The following KPNA7 variants were observed in gnomAD, a reference collection of about 807,000 sequenced individuals.
The protein encoded by KPNA7 is importin subunit alpha-8.
Under a neutral mutation model 53.7 loss-of-function variants are expected in KPNA7, and 54 were observed. The observed-to-expected ratio is 1.01, with a 90% confidence interval of 0.81 to 1.26. KPNA7 has a LOEUF of 1.26. Ranked by LOEUF, KPNA7 falls within the 50% of genes most tolerant of loss-of-function variation. The pLI is 0.00. For synonymous variants in KPNA7, 276 were observed against 259.3 expected (o/e 1.06, Z -0.62); for missense variants, 640 against 644.5 (o/e 0.99, Z 0.07).
At chr7:99,155,318 T>C in the KPNA7 span, among the ~76,000 whole-genome samples, 1 of 152,222 alleles carries the variant, frequency 6.6e-6, no homozygotes, top group South Asian at 2.1e-4. Context: ...TACTCCCACC[T>C]TCATCCTTCT....
chr7:99,184,283 A>T (rs1789456433), intron 8 of KPNA7, among the ~76,000 whole-genome samples: 1 of 150,998 alleles, frequency 6.6e-6, no homozygotes, highest in Non-Finnish European at 1.5e-5. Context: ...GCCTCCCAAG[A>T]TGCTGGGACT....
intron 1 of KPNA7, among the ~76,000 whole-genome samples, chr7:99,219,173 G>T (rs139441775): frequency 1.7e-4 from 26 of 152,344 alleles, no homozygotes; most frequent in African/African-American, 6.3e-4. Flanking sequence ...GAGGGGCGAG[G>T]CCCGGGTCTC....
the KPNA7 span, among the ~76,000 whole-genome samples, chr7:99,161,934 A>C: frequency 0.012 from 1,789 of 152,280 alleles, 34 homozygotes; most frequent in African/African-American, 0.041. Context: ...CTTAAAGCAA[A>C]CTGTGCTGCC....
intron 3 of KPNA7, among the ~76,000 whole-genome samples, chr7:99,199,505 T>C (rs1476528105): frequency 6.6e-6 from 1 of 152,130 alleles, no homozygotes; most frequent in Non-Finnish European, 1.5e-5. Context: ...TAGAAAATAG[T>C]CTCAAATAAC....
At chr7:99,187,821 A>T (rs138080647) in intron 7 of KPNA7, among the ~76,000 whole-genome samples, 2,348 of 135,510 alleles carry the variant, frequency 0.017, 107 homozygotes, top group African/African-American at 0.061. Flanking sequence ...AAAAAAAAAA[A>T]AAAAAAAAAA....
chr7:99,218,925 T>C (rs193295114), intron 1 of KPNA7, among the ~76,000 whole-genome samples: 4 of 152,356 alleles, frequency 2.6e-5, no homozygotes, highest in Admixed American at 1.3e-4. Flanking sequence ...ATTCGCACTT[T>C]CTCACACAGG....
intron 1 of KPNA7, among the ~76,000 whole-genome samples, chr7:99,218,267 G>A (rs1449196927): frequency 6.6e-6 from 1 of 152,092 alleles, no homozygotes; most frequent in Non-Finnish European, 1.5e-5. Flanking sequence ...GACTACAGGT[G>A]CACACTGCCA....
Position 99,184,853 on chromosome 7 carries a change from C to G in KPNA7, c.1134+76G>C, listed in dbSNP as rs570797382. ...TCTCAATTTGCTTCTGCACCTGTGT[C>G]TGGATTCCTGAAGGAGTTCAACCCA... On this transcript the variant is annotated intron_variant, in intron 8 of 10. Transcript: ENST00000327442. 8 of 1,224,156 alleles carry G rather than the reference C, an allele frequency of 6.5e-6. No homozygotes were observed. The South Asian group carries it at 1.0e-4, about 16-fold the overall frequency. 75.8% of individuals were successfully genotyped at this position (1,224,156 alleles called of 1,614,324 possible). A position where few individuals can be genotyped will look rare whatever the true frequency, so the allele number is the denominator to read the frequency against.
At chr7:99,185,348 T>A (rs1457190199) in intron 7 of KPNA7, among the ~76,000 whole-genome samples, 186 bp from the exon 8 acceptor site, 1 of 152,160 alleles carries the variant, frequency 6.6e-6, no homozygotes, top group African/African-American at 2.4e-5. Context: ...ATTTATTTTT[T>A]ATTTATTTAT....
intron 7 of KPNA7, among the ~76,000 whole-genome samples, chr7:99,187,212 G>C (rs10239195): frequency 0.35 from 53,626 of 151,818 alleles, 10,527 homozygotes; most frequent in African/African-American, 0.53. Flanking sequence ...ATTGCTTGAA[G>C]TCGGGAGGTG....
intron 1 of KPNA7, among the ~76,000 whole-genome samples, chr7:99,216,249 G>T (rs551259022): frequency 3.9e-5 from 6 of 152,028 alleles, no homozygotes; most frequent in Non-Finnish European, 7.4e-5. Flanking sequence ...GGCTTGTCTC[G>T]AAGTCCTGGG....
intron 8 of KPNA7, among the ~76,000 whole-genome samples, chr7:99,183,895 GAGTAT>G (rs903006724): frequency 6.6e-6 from 1 of 152,090 alleles, no homozygotes; most frequent in Non-Finnish European, 1.5e-5. Context: ...GCCCAGGCTG[GAGTAT>G]AGTGGCATGA....
chr7:99,211,341 G>C (rs770271612), upstream of KPNA7, among the ~76,000 whole-genome samples: 1 of 152,196 alleles, frequency 6.6e-6, no homozygotes, highest in African/African-American at 2.4e-5. Context: ...AGAATCGCTT[G>C]AATCTGGGAG....
chr7:99,190,273 G>C (rs1177820955), intron 6 of KPNA7, among the ~76,000 whole-genome samples: 2 of 149,430 alleles, frequency 1.3e-5, no homozygotes, highest in Non-Finnish European at 3.0e-5. Flanking sequence ...GGAGGCGGAG[G>C]TTGCAGTGAG....
chr7:99,196,063 C>T, intron 4 of KPNA7, 21 bp downstream of exon 4: 1 of 1,544,632 alleles, frequency 6.5e-7, no homozygotes, highest in Non-Finnish European at 8.8e-7. Flanking sequence ...CCTGCAACAG[C>T]AGAAGTCTGT....
chr7:99,208,078 G>T lies in KPNA7; in HGVS notation c.-74C>A, dbSNP rs1407812311. On this transcript the variant is annotated 5_prime_UTR_variant, in exon 1 of 11. It introduces an in-frame stop codon into an upstream open reading frame of the 5' UTR. Transcript: ENST00000327442. ...CTTCTCAGCTCCATGTCCTATTTCT[G>T]CAAGACCTGCTTGTTGGCATCAGAG... Among the ~76,000 whole-genome samples the T allele has an allele frequency of 1.3e-5, 2 of 151,934 alleles. No homozygotes were observed. The highest frequency in any genetic ancestry group is 2.9e-5 in the Non-Finnish European group (2 of 67,996).
chr7:99,191,819 T>G (rs1046999596), intron 6 of KPNA7, among the ~76,000 whole-genome samples: 3 of 152,098 alleles, frequency 2.0e-5, no homozygotes, highest in Non-Finnish European at 4.4e-5. Flanking sequence ...CTGGCTAGTT[T>G]CTGTATTTTT....
chr7:99,147,571 AC>A, the KPNA7 span, among the ~76,000 whole-genome samples: 1 of 152,192 alleles, frequency 6.6e-6, no homozygotes, highest in Non-Finnish European at 1.5e-5. Context: ...CGGGTGGATC[AC>A]CTGAGGTCAG....
chr7:99,180,623 CTCTCCCCG>C, intron 9 of KPNA7, among the ~76,000 whole-genome samples: 1 of 76,400 alleles, frequency 1.3e-5, no homozygotes, highest in Non-Finnish European at 3.0e-5. Context: ...CCCCATCTCT[CTCTCCCCG>C]TCTCTCTCTC....
Sources: gnomAD v4.1 joint callset for allele counts (sites outside exome capture counted in the v4.1 genomes callset) on GRCh38, gnomAD v4.1.1 for gene constraint, MANE v1.5 for transcripts, NCBI Gene and HGNC (gene_info 2026-07-23, HGNC 2026-07-21) for gene names.